The following GSE1 variants were observed in gnomAD, a reference collection of about 807,000 sequenced individuals.
GSE1 encodes Gse1 coiled-coil protein.
GSE1 carries 32 observed loss-of-function variants against 112.6 expected under a neutral mutation model. The ratio of observed to expected loss-of-function variants is 0.28; its 90% confidence interval spans 0.21 to 0.38. The LOEUF (loss-of-function observed/expected upper bound fraction) is 0.38, where lower values mean the gene tolerates loss of function less well. GSE1 is among the 10% of genes least tolerant of loss of function. The pLI is 1.00. For synonymous variants in GSE1, 1,115 were observed against 735.6 expected (o/e 1.52, Z -8.35); for missense variants, 2,348 against 1,699.2 (o/e 1.38, Z -6.71).
intron 1 of GSE1, chr16:85,185,345 G>C (rs1325470613): frequency 6.6e-6 from 1 of 152,262 alleles, no homozygotes; most frequent in Non-Finnish European, 1.5e-5. Flanking sequence ...AGTCGCTTTG[G>C]GGCCATGGGT....
chr16:85,552,227 G>A (rs1379175952), upstream of GSE1, among the ~76,000 whole-genome samples: 3 of 151,396 alleles, frequency 2.0e-5, no homozygotes, highest in African/African-American at 4.9e-5. Context: ...GGGTTTCACC[G>A]TGCTAGCCAG....
chr16:85,254,636 G>T (rs73251982), intron 1 of GSE1, among the ~76,000 whole-genome samples: 1 of 152,098 alleles, frequency 6.6e-6, no homozygotes, highest in South Asian at 2.1e-4. Context: ...CTCGCGCCTC[G>T]CTCGCTCTGA....
chr16:85,625,138 G>T (rs1053356544), intron 1 of GSE1, among the ~76,000 whole-genome samples: 3 of 152,110 alleles, frequency 2.0e-5, no homozygotes, highest in Admixed American at 2.0e-4. Context: ...TTAGGAGGCC[G>T]CCTCCCTGCC....
chr16:85,328,404 A>C (rs1299044134), intron 1 of GSE1, among the ~76,000 whole-genome samples: 1 of 152,132 alleles, frequency 6.6e-6, no homozygotes, highest in African/African-American at 2.4e-5. Flanking sequence ...GAGCCAGATA[A>C]AGGCACAGCG....
chr16:85,656,066 C>G lies in GSE1; in HGVS notation c.989+149C>G, dbSNP rs571776512. 58 of 709,952 alleles carry G rather than the reference C, an allele frequency of 8.2e-5. 1 individual carries two copies. The South Asian group carries it at 1.1e-3, about 13-fold the overall frequency. The allele number at this position is 709,952 out of a possible 1,614,324, so 44.0% of individuals were successfully genotyped here. On this transcript the variant is annotated intron_variant, in intron 6 of 15. Coordinates refer to ENST00000253458, the MANE Select transcript of GSE1 (RefSeq NM_014615.5). ...CCTGCCAAATGGGACAATGATCGTT[C>G]AGGCTCTGCTCTGAAATAGCGCCTG...
chr16:85,400,938 C>G (rs1245561176), intron 2 of GSE1, among the ~76,000 whole-genome samples: 1 of 152,052 alleles, frequency 6.6e-6, no homozygotes, highest in Non-Finnish European at 1.5e-5. Context: ...TAATGGAGAC[C>G]TAGCTTTGAC....
chr16:85,347,385 C>T (rs571401028), intron 1 of GSE1, among the ~76,000 whole-genome samples: 4 of 152,300 alleles, frequency 2.6e-5, no homozygotes, highest in African/African-American at 9.6e-5. Context: ...CTGGATTCCC[C>T]AGCAGCACCC....
intron 1 of GSE1, among the ~76,000 whole-genome samples, chr16:85,331,353 G>GTATATATATA (rs1567692446): frequency 2.1e-4 from 15 of 71,808 alleles, no homozygotes; most frequent in South Asian, 1.7e-3. Flanking sequence ...GTGTGTGTGT[G>GTATATATATA]TGTGTGTGTG....
chr16:85,530,520 G>A (rs1262400109), intron 2 of GSE1, among the ~76,000 whole-genome samples: 3 of 152,266 alleles, frequency 2.0e-5, no homozygotes, highest in Admixed American at 6.5e-5. Context: ...ACCATTTTTC[G>A]TCGGAGCTAT....
chr16:85,566,890 C>A (rs2045772700), intron 1 of GSE1, among the ~76,000 whole-genome samples: 1 of 152,150 alleles, frequency 6.6e-6, no homozygotes, highest in African/African-American at 2.4e-5. Context: ...TGTGGAGGGG[C>A]CGCAGCGGAA....
chr16:85,283,516 G>A (rs999759995), intron 1 of GSE1: 1 of 152,666 alleles, frequency 6.6e-6, no homozygotes, highest in Non-Finnish European at 1.5e-5. Context: ...AGTAGTTGGC[G>A]AAGGCCCCAG....
In GSE1 at chr16:85,668,432, G is replaced by A. The variant is rs369929090; in HGVS notation, c.3415+8G>A. On this transcript the variant is annotated splice_region_variant and intron_variant, in intron 14 of 15. Transcript: ENST00000253458. ...ACCAGGAACACATAGAAGGTAAGGG[G>A]GTGCTGGGGAAGAGGGGGGAGGGGG... 1.3e-5 allele frequency: 20 copies of A among 1,582,298 alleles called. No homozygotes were observed. The South Asian group carries it at 1.6e-4, about 12-fold the overall frequency.
At chr16:85,627,184 C>T (rs930271093) in intron 1 of GSE1, among the ~76,000 whole-genome samples, 1 of 143,864 alleles carries the variant, frequency 7.0e-6, no homozygotes, top group Non-Finnish European at 1.5e-5. Context: ...GTGGGGGCCT[C>T]ACCCGGGGGC....
intron 2 of GSE1, among the ~76,000 whole-genome samples, chr16:85,389,080 C>A (rs141455982): frequency 0.011 from 1,743 of 152,324 alleles, 14 homozygotes; most frequent in Non-Finnish European, 0.017. Flanking sequence ...TGAGGCCCCC[C>A]AGCCAGGTCC....
intron 2 of GSE1, among the ~76,000 whole-genome samples, chr16:85,508,641 G>T (rs571001494): frequency 6.6e-6 from 1 of 152,204 alleles, no homozygotes; most frequent in Non-Finnish European, 1.5e-5. Context: ...GAGGTGCCTC[G>T]TGGACACGTG....
intron 2 of GSE1, among the ~76,000 whole-genome samples, chr16:85,480,338 A>T (rs907792578): frequency 1.3e-5 from 2 of 152,154 alleles, no homozygotes; most frequent in African/African-American, 4.8e-5. Context: ...TTCCTGGGCG[A>T]CGTCTTCTGC....
At chr16:85,385,146 A>C (rs569290318) in intron 2 of GSE1, among the ~76,000 whole-genome samples, 17 of 152,248 alleles carry the variant, frequency 1.1e-4, no homozygotes, top group Non-Finnish European at 2.5e-4. Flanking sequence ...GGGCCGAGCC[A>C]CATGGGGCTT....
chr16:85,304,524 C>A (rs555130025), intron 1 of GSE1, among the ~76,000 whole-genome samples: 2 of 141,828 alleles, frequency 1.4e-5, no homozygotes, highest in Admixed American at 1.6e-4. Context: ...AAGCACCCAA[C>A]GTGTAGCTTC....
chr16:85,548,021 A>G (rs552685307), intron 2 of GSE1, among the ~76,000 whole-genome samples: 14 of 152,056 alleles, frequency 9.2e-5, no homozygotes, highest in Middle Eastern at 3.4e-3. Flanking sequence ...AGGTCAGGAT[A>G]TCGAGACCAT....
Sources: gnomAD v4.1 joint callset for allele counts (sites outside exome capture counted in the v4.1 genomes callset) on GRCh38, gnomAD v4.1.1 for gene constraint, MANE v1.5 for transcripts, NCBI Gene and HGNC (gene_info 2026-07-23, HGNC 2026-07-21) for gene names.